The following CRBN variants were observed in gnomAD, a reference collection of about 807,000 sequenced individuals.
CRBN encodes the protein cereblon, also known as protein cereblon.
In CRBN, 53 loss-of-function variants were observed where a neutral mutation model predicts 62.2. The observed-to-expected ratio is 0.85, with a 90% CI of 0.68 to 1.07. The LOEUF is 1.07. Ranked by LOEUF, CRBN falls within the 50% of genes least tolerant of loss-of-function variation. The probability of loss-of-function intolerance (pLI) is 0.00; values close to 1 mark genes in which losing one functional copy is unlikely to be tolerated. For synonymous variants in CRBN, 208 were observed against 176.1 expected, an observed-to-expected ratio of 1.18 and a Z score of -1.43; for missense variants, 616 against 531.1, an observed-to-expected ratio of 1.16 and a Z score of -1.57.
At chr3:3,158,925 G>A (rs953844946) in intron 5 of CRBN, among the ~76,000 whole-genome samples, 1 of 152,166 alleles carries the variant, frequency 6.6e-6, no homozygotes, top group African/African-American at 2.4e-5. Context: ...GGAGGTAACT[G>A]AATCATGGGG....
chr3:3,151,637 A>G (rs1423744891), intron 10 of CRBN, among the ~76,000 whole-genome samples: 1 of 152,202 alleles, frequency 6.6e-6, no homozygotes, highest in Non-Finnish European at 1.5e-5. Flanking sequence ...ACATTTATTT[A>G]TAGTAACAAA....
intron 5 of CRBN, among the ~76,000 whole-genome samples, chr3:3,164,696 T>G (rs1232983965): frequency 6.6e-6 from 1 of 152,240 alleles, no homozygotes; most frequent in Non-Finnish European, 1.5e-5. Context: ...TTATTACTGC[T>G]CATTGACAAT....
In CRBN at chr3:3,172,893, G is replaced by A; in HGVS notation, c.410C>T (p.Thr137Ile). Residue 137 changes from threonine to isoleucine, a missense_variant, in exon 4 of 11, where the codon ACA (threonine) becomes ATA (isoleucine). Thr to Ile is a moderately conservative substitution (Grantham distance 89). Transcript: ENST00000231948. The stretch of plus-strand genomic sequence containing the variant: ...TCGATAGGCATATATCTCTGCTGTT[G>A]TTCCAAACTGTGCTTCCCTTTCCTG... ...NVQEREAQFG[T>I]TAEIYAYREE... is the part of the protein sequence containing the mutation. 1 of 1,613,680 alleles carries A rather than the reference G, an allele frequency of 6.2e-7. No individual in the cohort carries two copies. The highest frequency in any genetic ancestry group is 2.2e-5 in the East Asian group (1 of 44,850).
At chr3:3,153,015 T>C in intron 9 of CRBN, 1 of 297,854 alleles carries the variant, frequency 3.4e-6, no homozygotes, top group South Asian at 3.7e-5. Context: ...ATAAAATGAT[T>C]TTCAAACACT....
chr3:3,161,353 T>G (rs1391401767), intron 5 of CRBN, among the ~76,000 whole-genome samples: 2 of 152,188 alleles, frequency 1.3e-5, no homozygotes, highest in Non-Finnish European at 2.9e-5. Context: ...AATTGAACCT[T>G]CAATGTAATA....
intron 9 of CRBN, 199 bp downstream of exon 9, chr3:3,153,225 A>AT: frequency 1.9e-6 from 1 of 536,494 alleles, no homozygotes; most frequent in Non-Finnish European, 3.4e-6. Context: ...TTACCTGTGA[A>AT]TAATCCCTGA....
chr3:3,158,006 A>G (rs1706976125), intron 5 of CRBN, among the ~76,000 whole-genome samples: 1 of 152,184 alleles, frequency 6.6e-6, no homozygotes, highest in African/African-American at 2.4e-5. Flanking sequence ...AAAACAAAGG[A>G]TTCCTTAATG....
Position 3,179,630 on chromosome 3 carries a change from G to T in CRBN, c.58C>A (p.Leu20Ile). Residue 20 changes from leucine to isoleucine, a missense_variant, in exon 1 of 11, where the codon CTC (leucine) becomes ATC (isoleucine). Physicochemically the swap from Leu to Ile is conservative, Grantham distance 5. Transcript: ENST00000231948. The stretch of plus-strand genomic sequence containing the variant: ...TACTCCGGGCGGTTACCAGGCAGGA[G>T]CGGCAGGTGGTTGCCCATGTTGTGC... ...AAHNMGNHLP[L>I]LPAESEEEDE... The T allele has an allele frequency of 1.2e-6, 2 of 1,613,366 alleles. No individual in the cohort carries two copies. The highest frequency in any genetic ancestry group is 1.1e-5 in the South Asian group (1 of 91,070).
At chr3:3,156,429 ACTAT>A (rs1443058568) in intron 5 of CRBN, 148 bp from the exon 6 acceptor site, 11 of 667,580 alleles carry the variant, frequency 1.6e-5, no homozygotes, top group African/African-American at 7.3e-5. Flanking sequence ...CCATGACGTG[ACTAT>A]CTATGAAGTG....
In CRBN at chr3:3,151,051, A is replaced by G. The variant is rs777941167; in HGVS notation, c.1149-6T>C. 26 of 1,613,564 alleles carry G rather than the reference A, an allele frequency of 1.6e-5. No homozygotes were observed. The South Asian group carries it at 2.6e-4, about 16-fold the overall frequency. ...GGGCAACAGTCCAGGCATACCTAAG[A>G]AATTAAGGAAAGATATCAGCTAAGG... is the stretch of plus-strand genomic sequence containing the variant. On this transcript the variant is annotated splice_polypyrimidine_tract_variant and splice_region_variant and intron_variant, in intron 10 of 10. Coordinates refer to ENST00000231948, the MANE Select transcript of CRBN (RefSeq NM_016302.4).
At chr3:3,167,263 A>T (rs567881229) in intron 5 of CRBN, among the ~76,000 whole-genome samples, 40 of 152,154 alleles carry the variant, frequency 2.6e-4, no homozygotes, top group Non-Finnish European at 4.9e-4. Context: ...CTACTTCTCT[A>T]CTACTACTCT....
rs1460337269 is a variant in CRBN at position 3,174,108 on chromosome 3, C to T, written c.328G>A (p.Val110Met). The T allele has an allele frequency of 6.2e-7, 1 of 1,614,044 alleles. No homozygotes were observed. Among genetic ancestry groups the T allele is most frequent in the Non-Finnish European group, 8.5e-7 (1 of 1,180,038 alleles). Residue 110 changes from valine (V) to methionine (M), a missense_variant, in exon 3 of 11, where the codon GTG (valine) becomes ATG (methionine). By Grantham distance (21) the Val-to-Met change is conservative (BLOSUM62 1). Coordinates refer to ENST00000231948, the MANE Select transcript of CRBN (RefSeq NM_016302.4). ...QLFHPQEVSM[V>M]RNLIQKDRTF... is the part of the protein sequence containing the mutation. ...CTATCTTTCTGAATTAAATTCCGCA[C>T]CATACTGACTTCTTGAGGGTGAAAA...
intron 7 of CRBN, 37 bp from the exon 8 acceptor site, chr3:3,154,112 G>T: frequency 8.2e-7 from 1 of 1,214,662 alleles, no homozygotes; most frequent in Non-Finnish European, 1.2e-6. Context: ...AAACTTAGGA[G>T]TCAGATAAGC....
Position 3,150,889 on chromosome 3 carries a change from T to C in CRBN, c.1305A>G (p.Pro435=), listed in dbSNP as rs1454893682. The change falls in exon 11 of 11, where the codon CCA becomes CCG. Residue 435 remains proline (P), a synonymous_variant. Transcript: ENST00000231948. The part of the protein sequence containing the change: ...TIPDTEDEIS[P]DKVILCL ...TTTACAAGCAAAGTATTACTTTGTC[T>C]GGACTTATTTCATCTTCAGTGTCTG... 6.2e-7 allele frequency: 1 copy of C among 1,613,776 alleles called. No individual in the cohort carries two copies. The highest frequency in any genetic ancestry group is 8.5e-7 in the Non-Finnish European group (1 of 1,179,882).
chr3:3,157,859 A>T (rs1318379446), intron 5 of CRBN, among the ~76,000 whole-genome samples: 3 of 152,178 alleles, frequency 2.0e-5, no homozygotes, highest in Non-Finnish European at 2.9e-5. Context: ...GGGAACTTTT[A>T]TTATCAAAGG....
intron 8 of CRBN, 168 bp from the exon 9 acceptor site, chr3:3,153,656 A>G (rs1442421235): frequency 3.1e-6 from 2 of 635,550 alleles, no homozygotes; most frequent in East Asian, 2.7e-5. Flanking sequence ...CACGAAAGTC[A>G]CTGAAACTGA....
intron 10 of CRBN, among the ~76,000 whole-genome samples, chr3:3,151,807 T>C (rs1036947488): frequency 5.8e-5 from 8 of 137,902 alleles, no homozygotes; most frequent in Non-Finnish European, 9.4e-5. Context: ...CCCAGGATCA[T>C]AGAGAATCAT....
intron 5 of CRBN, chr3:3,156,754 C>T (rs564013771): frequency 6.3e-6 from 1 of 158,134 alleles, no homozygotes; most frequent in East Asian, 1.9e-4. Flanking sequence ...ATAAAATGTT[C>T]GTTTACTTGA....
intron 3 of CRBN, 97 bp from the exon 4 acceptor site, chr3:3,173,022 G>C (rs957314848): frequency 4.5e-6 from 4 of 884,672 alleles, no homozygotes; most frequent in Non-Finnish European, 3.8e-6. Context: ...ACAATTTATA[G>C]AATCAACCCT....
Sources: gnomAD v4.1 joint callset for allele counts (sites outside exome capture counted in the v4.1 genomes callset) on GRCh38, gnomAD v4.1.1 for gene constraint, MANE v1.5 for transcripts, NCBI Gene and HGNC (gene_info 2026-07-23, HGNC 2026-07-21) for gene names.